VPS4B: variants seen among roughly 807,000 people sequenced by gnomAD.
The protein encoded by VPS4B is vacuolar protein sorting-associated protein 4B.
A neutral mutation model predicts 56.1 loss-of-function variants in VPS4B; 23 were observed. The observed-to-expected ratio is 0.41, with a 90% confidence interval of 0.30 to 0.58. The LOEUF is 0.58. Among genes scored for constraint, VPS4B ranks in the 20% least tolerant of loss-of-function variants. The probability of loss-of-function intolerance (pLI) is 0.29; values close to 1 mark genes in which losing one functional copy is unlikely to be tolerated. For synonymous variants in VPS4B, 177 were observed against 186.0 expected (o/e 0.95, Z 0.39); for missense variants, 372 against 531.9 (o/e 0.70, Z 2.96).
chr18:63,403,442 C>CTA (rs1409379975), intron 5 of VPS4B, among the ~76,000 whole-genome samples: 1 of 152,120 alleles, frequency 6.6e-6, no homozygotes, highest in Admixed American at 6.5e-5. Context: ...GATGTACACT[C>CTA]TATTTTACTG....
At chr18:63,402,455 A>G (rs369814095) in intron 5 of VPS4B, among the ~76,000 whole-genome samples, 4 of 152,308 alleles carry the variant, frequency 2.6e-5, no homozygotes, top group South Asian at 2.1e-4. Flanking sequence ...CAATGCTGTT[A>G]TTTCTGGATC....
chr18:63,399,985 C>A lies in VPS4B; in HGVS notation c.790+63G>T, dbSNP rs559278813. On this transcript the variant is annotated intron_variant, in intron 7 of 10. Transcript: ENST00000238497. ...AGTGAGCTGAGATCGCGCCACTGCA[C>A]TCCAGCCTGGGCGACAGAGTGAGAC... 7.2e-6 allele frequency: 11 copies of A among 1,529,946 alleles called. 1 individual carries two copies. Among genetic ancestry groups the A allele is most frequent in the African/African-American group, 7.0e-5 (5 of 71,466 alleles). 94.8% of individuals were successfully genotyped at this position (1,529,946 alleles called of 1,614,324 possible).
intron 5 of VPS4B, 147 bp from the exon 6 acceptor site, chr18:63,400,850 T>A: frequency 2.4e-6 from 2 of 834,278 alleles, no homozygotes; most frequent in Non-Finnish European, 3.5e-6. Flanking sequence ...AGGTATGTCT[T>A]AAATATATTT....
In VPS4B at chr18:63,389,682, C is replaced by T. The variant is rs978687439; in HGVS notation, c.*1293G>A. On this transcript the variant is annotated 3_prime_UTR_variant, in exon 11 of 11. Transcript: ENST00000238497. ...GCTTCATAAAGCATTACACTGATAA[C>T]ATATGTGTGGTCAGGACAAACTGTT... 3.9e-5 allele frequency: 6 copies of T among 152,550 alleles called. No homozygotes were observed. Among genetic ancestry groups the T allele is most frequent in the African/African-American group, 1.4e-4 (6 of 41,414 alleles). 9.4% of individuals were successfully genotyped at this position (152,550 alleles called of 1,614,324 possible).
At chr18:63,393,649 G>T in intron 9 of VPS4B, 100 bp from the exon 10 acceptor site, 3 of 1,157,240 alleles carry the variant, frequency 2.6e-6, no homozygotes, top group Non-Finnish European at 2.2e-6. Context: ...AGTTTTGTAT[G>T]TTTTATTAGA....
rs1375228216 is a variant in VPS4B, at chr18:63,389,995, G to A, written c.*980C>T. On this transcript the variant is annotated 3_prime_UTR_variant, in exon 11 of 11. Transcript: ENST00000238497. ...GTCTAATTTAGAAAATCTTCCTCTT[G>A]AGATTGCACAGTGAAAGGTATCAGT... The A allele has an allele frequency of 6.6e-6, 1 of 152,536 alleles. No individual in the cohort carries two copies. Among genetic ancestry groups the A allele is most frequent in the African/African-American group, 2.4e-5 (1 of 41,412 alleles). 9.4% of individuals were successfully genotyped at this position (152,536 alleles called of 1,614,324 possible).
At chr18:63,391,158 A>G (rs1915539967) in intron 10 of VPS4B, 82 bp from the exon 11 acceptor site, 2 of 887,746 alleles carry the variant, frequency 2.3e-6, no homozygotes, top group Admixed American at 4.5e-5. Context: ...CATTATTGCT[A>G]TGAACTTTAA....
Position 63,422,386 on chromosome 18 carries a change from C to A in VPS4B, c.-127G>T, listed in dbSNP as rs1916329280. ...CCGGTGGTTCTCGGACCGCGAAGGG[C>A]AGCCTCCCTTCCGGAACTTGTTTTA... On this transcript the variant is annotated 5_prime_UTR_variant, in exon 1 of 11. Transcript: ENST00000238497. The A allele has an allele frequency of 2.3e-6, 2 of 856,834 alleles. No individual in the cohort carries two copies. Among genetic ancestry groups the A allele is most frequent in the Non-Finnish European group, 3.3e-6 (2 of 607,924 alleles). The allele number at this position is 856,834 out of a possible 1,614,324, so 53.1% of individuals were successfully genotyped here.
intron 10 of VPS4B, among the ~76,000 whole-genome samples, chr18:63,391,357 T>G (rs1347717576): frequency 6.6e-6 from 1 of 151,932 alleles, no homozygotes; most frequent in East Asian, 1.9e-4. Context: ...GCCTCCCAAG[T>G]AGCTGGGATT....
intron 5 of VPS4B, 139 bp downstream of exon 5, chr18:63,403,568 A>G (rs1315319990): frequency 2.1e-6 from 2 of 944,096 alleles, no homozygotes; most frequent in East Asian, 2.7e-5. Flanking sequence ...AACATCTTGT[A>G]TAAAGATATA....
chr18:63,403,566 G>A (rs1915856798), intron 5 of VPS4B, 141 bp downstream of exon 5: 1 of 930,488 alleles, frequency 1.1e-6, no homozygotes, highest in East Asian at 2.8e-5. Flanking sequence ...AAAACATCTT[G>A]TATAAAGATA....
At chr18:63,408,656 G>C (rs1400595628) in intron 3 of VPS4B, among the ~76,000 whole-genome samples, 1 of 152,218 alleles carries the variant, frequency 6.6e-6, no homozygotes, top group Non-Finnish European at 1.5e-5. Context: ...GCTTAGCAGA[G>C]GAGTTGGCAA....
chr18:63,403,368 A>G (rs1231483105), intron 5 of VPS4B, among the ~76,000 whole-genome samples: 5 of 152,166 alleles, frequency 3.3e-5, no homozygotes, highest in Admixed American at 2.0e-4. Flanking sequence ...CTGCTTTTTG[A>G]TCTTTGCAAT....
rs762352145 is a variant in VPS4B at position 63,403,732 on chromosome 18, A to T, written c.459T>A (p.Pro153=). 5 of 1,610,240 alleles carry T rather than the reference A, an allele frequency of 3.1e-6. No individual in the cohort carries two copies. The East Asian group carries it at 1.1e-4, about 36-fold the overall frequency. ...CTGTAAAAAGATGAGGAAATTTAAT[A>T]GGCAGTATCACAGCCTCTTTCAGTG... ...KEALKEAVIL[P]IKFPHLFTGK... Residue 153 remains proline (P), a synonymous_variant, in exon 5 of 11, where the codon CCT becomes CCA. Coordinates refer to ENST00000238497, the MANE Select transcript of VPS4B (RefSeq NM_004869.4).
intron 1 of VPS4B, among the ~76,000 whole-genome samples, chr18:63,419,815 T>C (rs1424638632): frequency 2.6e-5 from 4 of 152,250 alleles, no homozygotes; most frequent in East Asian, 1.9e-4. Context: ...ATTGAAACTG[T>C]GGAAAGTAAA....
At chr18:63,402,879 A>C (rs943124159) in intron 5 of VPS4B, among the ~76,000 whole-genome samples, 1 of 152,198 alleles carries the variant, frequency 6.6e-6, no homozygotes, top group Middle Eastern at 3.2e-3. Flanking sequence ...TGGACTCTTC[A>C]GTCTGAGGCC....
intron 9 of VPS4B, chr18:63,396,789 G>A (rs1270618023): frequency 4.7e-6 from 2 of 421,454 alleles, no homozygotes; most frequent in East Asian, 4.9e-5. Flanking sequence ...AGGAGTTCGA[G>A]ACCAGCCTGG....
In VPS4B at chr18:63,419,426, A is replaced by T. The variant is rs146676940; in HGVS notation, c.27+2807T>A. Among the ~76,000 whole-genome samples the T allele has an allele frequency of 4.7e-3, 715 of 152,232 alleles. 3 individuals carry two copies. The highest frequency in any genetic ancestry group is 0.015 in the African/African-American group (622 of 41,512). On this transcript the variant is annotated intron_variant, in intron 1 of 10. Transcript: ENST00000238497. The stretch of plus-strand genomic sequence containing the variant: ...AGTGAGACTCTGTCTCAAAAAAAAA[A>T]AAATAAATGCAGATACAAGCTTGAC...
chr18:63,399,733 T>A (rs539917307), intron 7 of VPS4B, among the ~76,000 whole-genome samples: 1 of 152,308 alleles, frequency 6.6e-6, no homozygotes, highest in African/African-American at 2.4e-5. Context: ...TGTATGCATA[T>A]GGAAGACAAT....
Sources: allele counts gnomAD v4.1 joint callset (sites outside exome capture counted in the v4.1 genomes callset), GRCh38; gene constraint gnomAD v4.1.1; transcripts MANE v1.5; gene names NCBI Gene and HGNC (gene_info 2026-07-23, HGNC 2026-07-21).